Variants in CDKAL1 observed in about 807,000 individuals in gnomAD.
CDKAL1 encodes the protein threonylcarbamoyladenosine tRNA methylthiotransferase.
CDKAL1 carries 32 observed loss-of-function variants against 68.2 expected under a neutral mutation model. The observed-to-expected ratio is 0.47, with a 90% CI of 0.35 to 0.63. CDKAL1 has a LOEUF of 0.63. Among genes scored for constraint, CDKAL1 ranks in the 30% least tolerant of loss-of-function variants. The pLI is 0.00. For missense variants in CDKAL1, 606 were observed against 696.7 expected, an observed-to-expected ratio of 0.87 and a Z score of 1.47; for synonymous variants, 234 against 244.3, an observed-to-expected ratio of 0.96 and a Z score of 0.39.
At chr6:20,967,152 C>A (rs942017071) in intron 10 of CDKAL1, among the ~76,000 whole-genome samples, 2 of 152,118 alleles carry the variant, frequency 1.3e-5, no homozygotes, top group African/African-American at 4.8e-5. Flanking sequence ...ATCTTATACA[C>A]CAGTCATTGG....
chr6:20,694,369 C>T (rs1170417341), intron 5 of CDKAL1, among the ~76,000 whole-genome samples: 1 of 152,000 alleles, frequency 6.6e-6, no homozygotes, highest in Non-Finnish European at 1.5e-5. Flanking sequence ...ATTAAAGTCA[C>T]AGTGTTCTAC....
chr6:21,021,973 T>C (rs1005785612), intron 11 of CDKAL1, among the ~76,000 whole-genome samples: 21 of 152,226 alleles, frequency 1.4e-4, no homozygotes, highest in African/African-American at 4.6e-4. Flanking sequence ...AATTTACCTT[T>C]GGCTGGGGTA....
chr6:20,570,459 G>C (rs1353270146), intron 4 of CDKAL1, among the ~76,000 whole-genome samples: 1 of 151,670 alleles, frequency 6.6e-6, no homozygotes, highest in Non-Finnish European at 1.5e-5. Flanking sequence ...GGAGTGCAGT[G>C]GCGTGATCTC....
chr6:21,148,767 A>G (rs1200770633), intron 13 of CDKAL1, among the ~76,000 whole-genome samples: 1 of 152,320 alleles, frequency 6.6e-6, no homozygotes, highest in East Asian at 1.9e-4. Context: ...ATAGAAATAA[A>G]TAATAAAATT....
At chr6:20,849,613 A>G (rs1463623951) in intron 9 of CDKAL1, among the ~76,000 whole-genome samples, 1 of 152,088 alleles carries the variant, frequency 6.6e-6, no homozygotes, top group African/African-American at 2.4e-5. Context: ...ATTATGAAGA[A>G]GAAATATTAC....
intron 9 of CDKAL1, among the ~76,000 whole-genome samples, chr6:20,846,921 CT>C (rs1778396688): frequency 6.6e-6 from 1 of 152,164 alleles, no homozygotes; most frequent in South Asian, 2.1e-4. Context: ...ATGAGATAAT[CT>C]ATTGTCTCAT....
intron 8 of CDKAL1, among the ~76,000 whole-genome samples, chr6:20,799,040 G>GTTTTT (rs754008816): frequency 0.13 from 6,204 of 47,350 alleles, 2,265 homozygotes; most frequent in Non-Finnish European, 0.17. Context: ...AAAGAACTGA[G>GTTTTT]TTTTTTTTTT....
At chr6:20,625,588 G>A (rs1423658904) in intron 4 of CDKAL1, among the ~76,000 whole-genome samples, 1 of 152,006 alleles carries the variant, frequency 6.6e-6, no homozygotes, top group South Asian at 2.1e-4. Context: ...TATGCTATAC[G>A]GGACAGTTTA....
chr6:20,705,279 G>A (rs1219615334), intron 5 of CDKAL1, among the ~76,000 whole-genome samples: 1 of 152,110 alleles, frequency 6.6e-6, no homozygotes, highest in Non-Finnish European at 1.5e-5. Context: ...TTGTACAAAT[G>A]ACAATATTTG....
At chr6:21,203,845 C>T (rs569277275) in intron 15 of CDKAL1, among the ~76,000 whole-genome samples, 37 of 151,666 alleles carry the variant, frequency 2.4e-4, no homozygotes, top group African/African-American at 3.1e-4. Context: ...TACAGGCGTG[C>T]GCCACCACAC....
intron 4 of CDKAL1, among the ~76,000 whole-genome samples, chr6:20,611,650 G>A (rs187550670): frequency 1.2e-3 from 182 of 152,178 alleles, no homozygotes; most frequent in Non-Finnish European, 1.9e-3. Context: ...TTGTGGGTAC[G>A]TGTAATATTT....
intron 4 of CDKAL1, among the ~76,000 whole-genome samples, chr6:20,622,421 CT>C (rs1484631137): frequency 1.3e-5 from 2 of 151,970 alleles, no homozygotes; most frequent in African/African-American, 4.8e-5. Context: ...ATCTGTTCAC[CT>C]TTTAATTTTC....
intron 7 of CDKAL1, among the ~76,000 whole-genome samples, chr6:20,765,145 C>CTTT (rs573930548): frequency 1.0e-4 from 3 of 28,892 alleles, no homozygotes; most frequent in African/African-American, 1.6e-4. Flanking sequence ...TGGTTACATT[C>CTTT]TTTTTTTTTT....
At chr6:20,983,645 C>T (rs1202024908) in intron 10 of CDKAL1, among the ~76,000 whole-genome samples, 1 of 152,110 alleles carries the variant, frequency 6.6e-6, no homozygotes, top group Non-Finnish European at 1.5e-5. Context: ...CGCTTGAACC[C>T]GAGGGGCTGA....
At chr6:20,753,953 C>CTCTATGTGTG in intron 6 of CDKAL1, among the ~76,000 whole-genome samples, 1 of 113,852 alleles carries the variant, frequency 8.8e-6, no homozygotes, top group South Asian at 2.9e-4. Context: ...TCGTTATTAT[C>CTCTATGTGTG]TGTATGTGTG....
chr6:21,003,755 T>A lies in CDKAL1; in HGVS notation c.1055+3383T>A, dbSNP rs1268229697. 5.3e-5 allele frequency among the ~76,000 whole-genome samples: 8 copies of A among 152,266 alleles called. No individual in the cohort carries two copies. In the East Asian group the frequency reaches 1.5e-3, roughly 29 times the overall value. Reference sequence around the variant, plus strand: ...GGATAACTGATCCAGCACAAAATTGTCTTGTCCAGCCTTTATTAAAATTCA... The same window carrying A: ...GGATAACTGATCCAGCACAAAATTGACTTGTCCAGCCTTTATTAAAATTCA... On this transcript the variant is annotated intron_variant, in intron 11 of 15. Coordinates refer to ENST00000274695, the MANE Select transcript of CDKAL1 (RefSeq NM_017774.3).
chr6:21,000,735 T>G (rs1218849025), intron 11 of CDKAL1, among the ~76,000 whole-genome samples: 1 of 152,220 alleles, frequency 6.6e-6, no homozygotes, highest in Non-Finnish European at 1.5e-5. Flanking sequence ...GGTTTTGACA[T>G]GGACAGAGGC....
chr6:20,958,625 A>C (rs1466272464), intron 10 of CDKAL1, among the ~76,000 whole-genome samples: 1 of 152,242 alleles, frequency 6.6e-6, no homozygotes, highest in East Asian at 1.9e-4. Context: ...ACAGAAAAAA[A>C]TAACAGCAAA....
intron 10 of CDKAL1, among the ~76,000 whole-genome samples, chr6:20,986,605 C>G (rs779194009): frequency 6.6e-6 from 1 of 150,442 alleles, no homozygotes; most frequent in Non-Finnish European, 1.5e-5. Flanking sequence ...ACAATTCTCT[C>G]TTTAGAAGGA....
Sources: allele counts gnomAD v4.1 joint callset (sites outside exome capture counted in the v4.1 genomes callset), GRCh38; gene constraint gnomAD v4.1.1; transcripts MANE v1.5; gene names NCBI Gene and HGNC (gene_info 2026-07-23, HGNC 2026-07-21).